The following TXLNB variants were observed in gnomAD, a reference collection of about 807,000 sequenced individuals.
TXLNB encodes the protein beta-taxilin.
In TXLNB, 37 loss-of-function variants were observed where a neutral mutation model predicts 57.4. The ratio of observed to expected loss-of-function variants is 0.64; its 90% CI spans 0.50 to 0.85. TXLNB has a LOEUF of 0.85. Ranked by LOEUF, TXLNB falls within the 40% of genes least tolerant of loss-of-function variation. The pLI is 0.00. For missense variants in TXLNB, 848 were observed against 825.6 expected, an observed-to-expected ratio of 1.03 and a Z score of -0.33; for synonymous variants, 302 against 309.6, an observed-to-expected ratio of 0.98 and a Z score of 0.26.
Position 139,281,761 on chromosome 6 carries a change from G to T in TXLNB, c.425-4840C>A, listed in dbSNP as rs1276506441. 2.7e-5 allele frequency among the ~76,000 whole-genome samples: 3 copies of T among 112,646 alleles called. 1 individual carries two copies. Among genetic ancestry groups the T allele is most frequent in the Non-Finnish European group, 5.0e-5 (3 of 60,222 alleles). 73.9% of individuals were successfully genotyped at this position (112,646 alleles called of 152,430 possible). A position where few individuals can be genotyped will look rare whatever the true frequency, so the allele number is the denominator to read the frequency against. On this transcript the variant is annotated intron_variant, in intron 2 of 9. Transcript: ENST00000358430. Reference sequence around the variant, plus strand: ...GACGGGTTTTCACCGTGTTAGCCAGGATGGTCTCGATCTCCTGACCTCGTG... The same window carrying T: ...GACGGGTTTTCACCGTGTTAGCCAGTATGGTCTCGATCTCCTGACCTCGTG...
chr6:139,195,402 TAC>T, the TXLNB span, among the ~76,000 whole-genome samples: 1 of 152,210 alleles, frequency 6.6e-6, no homozygotes, highest in African/African-American at 2.4e-5. Flanking sequence ...TCCTCAAATT[TAC>T]CCTGGTGTGC....
At chr6:139,215,916 A>G in the TXLNB span, among the ~76,000 whole-genome samples, 1 of 152,046 alleles carries the variant, frequency 6.6e-6, no homozygotes, top group Non-Finnish European at 1.5e-5. Context: ...AATCAAAACC[A>G]CAATGAGATA....
chr6:139,314,038 C>T, the TXLNB span, among the ~76,000 whole-genome samples: 10 of 152,156 alleles, frequency 6.6e-5, no homozygotes, highest in Admixed American at 6.5e-4. Flanking sequence ...TCCAACCTGA[C>T]CCGAGTATAG....
intron 3 of TXLNB, among the ~76,000 whole-genome samples, chr6:139,274,264 C>A (rs1776838829): frequency 6.6e-6 from 1 of 152,144 alleles, no homozygotes; most frequent in South Asian, 2.1e-4. Context: ...GATGAGTGAG[C>A]TAGAGTGGCA....
rs770322287 is a variant in TXLNB at position 139,260,303 on chromosome 6, TA to T, written c.1002+14del. 3 of 1,613,850 alleles carry T rather than the reference TA, an allele frequency of 1.9e-6. No homozygotes were observed. In the South Asian group the frequency reaches 3.3e-5, roughly 18 times the overall value. ...AGGTAGACCAGATATGCACAACGAC[TA>T]AAATGATAAATACATATTCCTTTTC... On this transcript the variant is annotated intron_variant, in intron 6 of 9. Coordinates refer to ENST00000358430, the MANE Select transcript of TXLNB (RefSeq NM_153235.4).
At position 139,288,576 on chromosome 6, in the gene TXLNB, C is replaced by T; in HGVS notation, c.324G>A (p.Glu108=). The change falls in exon 2 of 10, where the codon GAG becomes GAA. Residue 108 remains glutamate, a synonymous_variant. Transcript: ENST00000358430. ...CAGAAGCAACGGGTTCTCTTCCAGCCTCTTCAGTTGTTTCCTCACAGTCCC... is the reference window on the plus strand; with the variant it reads ...CAGAAGCAACGGGTTCTCTTCCAGCTTCTTCAGTTGTTTCCTCACAGTCCC... ...EDGDCEETTE[E]AGREPVASGE... is the part of the protein sequence containing the mutation. 2 of 1,614,188 alleles carry T rather than the reference C, an allele frequency of 1.2e-6. No homozygotes were observed. Among genetic ancestry groups the T allele is most frequent in the South Asian group, 1.1e-5 (1 of 91,076 alleles).
chr6:139,216,187 C>T, the TXLNB span, among the ~76,000 whole-genome samples: 10 of 151,450 alleles, frequency 6.6e-5, no homozygotes, highest in African/African-American at 1.9e-4. Context: ...ATGTTTATTG[C>T]GGCAGTATTC....
chr6:139,259,233 C>T (rs1036049678), intron 6 of TXLNB, among the ~76,000 whole-genome samples: 8 of 152,200 alleles, frequency 5.3e-5, no homozygotes, highest in African/African-American at 1.7e-4. Flanking sequence ...CCAAATTAAT[C>T]TTAGAAAATG....
chr6:139,281,799 C>T (rs1777059279), intron 2 of TXLNB, among the ~76,000 whole-genome samples: 2 of 115,588 alleles, frequency 1.7e-5, no homozygotes, highest in East Asian at 2.2e-4. Flanking sequence ...CCGCCCGCCT[C>T]GGCCTCCCAA....
chr6:139,313,359 G>A, the TXLNB span, among the ~76,000 whole-genome samples: 792 of 152,192 alleles, frequency 5.2e-3, 6 homozygotes, highest in African/African-American at 0.016. Flanking sequence ...GGCGTGAGCC[G>A]CTGCGCCCGG....
chr6:139,233,682 C>T, the TXLNB span, among the ~76,000 whole-genome samples: 2 of 152,168 alleles, frequency 1.3e-5, no homozygotes, highest in Non-Finnish European at 2.9e-5. Flanking sequence ...GAGGCCTCCC[C>T]AGCCATGCAG....
At chr6:139,247,635 G>C (rs12210800) in intron 8 of TXLNB, among the ~76,000 whole-genome samples, 182 bp downstream of exon 8, 1 of 142,482 alleles carries the variant, frequency 7.0e-6, no homozygotes, top group Non-Finnish European at 1.5e-5. Flanking sequence ...CTCCTGCTAA[G>C]ATTAATTCAC....
chr6:139,310,518 G>A, the TXLNB span, among the ~76,000 whole-genome samples: 2 of 152,132 alleles, frequency 1.3e-5, no homozygotes, highest in African/African-American at 4.8e-5. Context: ...TAAATTTCTG[G>A]CAGTTTAAGG....
chr6:139,215,051 C>T, the TXLNB span, among the ~76,000 whole-genome samples: 1 of 152,034 alleles, frequency 6.6e-6, no homozygotes, highest in Non-Finnish European at 1.5e-5. Context: ...GGCCATACTG[C>T]CCAAGGTAAT....
the TXLNB span, among the ~76,000 whole-genome samples, chr6:139,299,562 G>A: frequency 6.6e-6 from 1 of 152,040 alleles, no homozygotes; most frequent in Non-Finnish European, 1.5e-5. Flanking sequence ...CTTGTCCTAG[G>A]GTTTGCCAGC....
At chr6:139,304,080 C>T in the TXLNB span, among the ~76,000 whole-genome samples, 3 of 152,010 alleles carry the variant, frequency 2.0e-5, no homozygotes, top group Admixed American at 2.0e-4. Flanking sequence ...AATAAATCTT[C>T]CAGTCAACTG....
chr6:139,184,049 G>T, the TXLNB span, among the ~76,000 whole-genome samples: 2 of 152,182 alleles, frequency 1.3e-5, no homozygotes, highest in East Asian at 1.9e-4. Flanking sequence ...GCACATTGTT[G>T]TGGAGTCAGC....
the TXLNB span, among the ~76,000 whole-genome samples, chr6:139,186,957 A>G: frequency 2.0e-5 from 3 of 152,228 alleles, no homozygotes; most frequent in African/African-American, 7.2e-5. Context: ...GTGGAGGAAT[A>G]TTAATGAGAA....
At chr6:139,193,491 CCT>C in the TXLNB span, among the ~76,000 whole-genome samples, 1 of 151,916 alleles carries the variant, frequency 6.6e-6, no homozygotes, top group Non-Finnish European at 1.5e-5. Context: ...ACATTTTCTC[CCT>C]GTTTCATAAG....
Sources: allele counts gnomAD v4.1 joint callset (sites outside exome capture counted in the v4.1 genomes callset), GRCh38; gene constraint gnomAD v4.1.1; transcripts MANE v1.5; gene names NCBI Gene and HGNC (gene_info 2026-07-23, HGNC 2026-07-21).